NWD1: variants seen among roughly 807,000 people sequenced by gnomAD.
The protein encoded by NWD1 is NACHT domain- and WD repeat-containing protein 1.
Under a neutral mutation model 135.1 loss-of-function variants are expected in NWD1, and 129 were observed. The ratio of observed to expected loss-of-function variants is 0.96; its 90% CI spans 0.83 to 1.11. The LOEUF (loss-of-function observed/expected upper bound fraction) is 1.11, where lower values mean the gene tolerates loss of function less well. Ranked by LOEUF, NWD1 falls within the 50% of genes least tolerant of loss-of-function variation. The pLI is 0.00. For missense variants in NWD1, 1,740 were observed against 1,851.3 expected (o/e 0.94, Z 1.10); for synonymous variants, 773 against 786.0 (o/e 0.98, Z 0.28).
intron 12 of NWD1, among the ~76,000 whole-genome samples, chr19:16,781,845 CA>C (rs1450809187): frequency 6.6e-6 from 1 of 151,992 alleles, no homozygotes; most frequent in Non-Finnish European, 1.5e-5. Flanking sequence ...GTAATCTCAG[CA>C]CTTTGGGAGG....
At position 16,759,226 on chromosome 19, in the gene NWD1, C is replaced by T; in HGVS notation, c.1771C>T (p.His591Tyr). ...AAGCCCCACTGGTCCTCCCTTCAGA[C>T]ACGGTCTCTCGGAGGCGGAGCTGAA... ...HVLGYIVSSR[H>Y]GLSEAELKDV... The change falls in exon 7 of 19, where the codon CAC becomes TAC. Residue 591 changes from histidine (H) to tyrosine (Y), a missense_variant and splice_region_variant. By Grantham distance (83) the His-to-Tyr change is moderately conservative (BLOSUM62 2). Transcript: ENST00000524140. 6.2e-7 allele frequency: 1 copy of T among 1,613,044 alleles called. No homozygotes were observed. The highest frequency in any genetic ancestry group is 8.5e-7 in the Non-Finnish European group (1 of 1,179,096).
At chr19:16,775,195 G>A (rs759350506) in intron 11 of NWD1, among the ~76,000 whole-genome samples, 2 of 152,086 alleles carry the variant, frequency 1.3e-5, no homozygotes, top group Admixed American at 1.3e-4. Context: ...GCATGGAGGA[G>A]TTGATTTAGG....
chr19:16,722,564 C>T (rs1967179360), intron 1 of NWD1, among the ~76,000 whole-genome samples: 1 of 151,906 alleles, frequency 6.6e-6, no homozygotes. Context: ...GCTGGGATTA[C>T]AGATGTGAGC....
intron 2 of NWD1, among the ~76,000 whole-genome samples, chr19:16,728,664 G>T (rs1214072663): frequency 1.3e-5 from 2 of 151,896 alleles, no homozygotes; most frequent in Non-Finnish European, 2.9e-5. Flanking sequence ...GTAATTGCAG[G>T]CCGGGTGCAG....
intron 18 of NWD1, among the ~76,000 whole-genome samples, chr19:16,812,469 G>C (rs972320590): frequency 4.0e-5 from 6 of 149,726 alleles, no homozygotes; most frequent in African/African-American, 1.5e-4. Flanking sequence ...AGGAGTTGGA[G>C]ACCAGCCTGG....
chr19:16,725,726 T>C (rs1568330255), intron 2 of NWD1, among the ~76,000 whole-genome samples: 1 of 151,434 alleles, frequency 6.6e-6, no homozygotes, highest in Non-Finnish European at 1.5e-5. Context: ...CTTATTTCTG[T>C]ATTTTTAGTA....
In NWD1 at chr19:16,750,334, C is replaced by T. The variant is rs780539784; in HGVS notation, c.1692C>T (p.His564=). The stretch of plus-strand genomic sequence containing the variant: ...CCACCACCGCAGAGGAAGCCACGCA[C>T]CAACTCTGCACCCGCCTGGAGCAGA... ...PLATTAEEAT[H]QLCTRLEQTH... Residue 564 remains histidine, a synonymous_variant, in exon 6 of 19, where the codon CAC becomes CAT. Coordinates refer to ENST00000524140, the MANE Select transcript of NWD1 (RefSeq NM_001007525.5). The T allele has an allele frequency of 6.2e-7, 1 of 1,613,092 alleles. No homozygotes were observed. The highest frequency in any genetic ancestry group is 8.5e-7 in the Non-Finnish European group (1 of 1,179,800).
At chr19:16,725,035 G>A (rs1171564433) in intron 2 of NWD1, among the ~76,000 whole-genome samples, 3 of 146,760 alleles carry the variant, frequency 2.0e-5, no homozygotes, top group East Asian at 2.0e-4. Context: ...TTTTTGAGAC[G>A]GGGTCTCACT....
chr19:16,773,701 A>T (rs1181151709), intron 11 of NWD1, among the ~76,000 whole-genome samples: 1 of 152,170 alleles, frequency 6.6e-6, no homozygotes, highest in African/African-American at 2.4e-5. Flanking sequence ...AGCCCTTGGA[A>T]TCCCAGAATG....
chr19:16,744,841 C>T, intron 5 of NWD1, 123 bp downstream of exon 5: 1 of 785,354 alleles, frequency 1.3e-6, no homozygotes. Context: ...ACCAGTCAAC[C>T]TCTGGTCCCT....
intron 18 of NWD1, among the ~76,000 whole-genome samples, chr19:16,809,937 T>C (rs1483698116): frequency 6.6e-6 from 1 of 152,154 alleles, no homozygotes; most frequent in Non-Finnish European, 1.5e-5. Context: ...GGGTTGCTTT[T>C]CTATCACCCC....
chr19:16,765,186 G>T lies in NWD1; in HGVS notation c.2404G>T (p.Gly802Cys). 1 of 1,614,074 alleles carries T rather than the reference G, an allele frequency of 6.2e-7. No homozygotes were observed. The highest frequency in any genetic ancestry group is 8.5e-7 in the Non-Finnish European group (1 of 1,180,000). ...QLCRPAVELR[G>C]MERSLLYTEL... The stretch of plus-strand genomic sequence containing the variant: ...CTGCCGCCCTGCTGTGGAGCTCCGA[G>T]GCATGGGTGAGTCCAGATGGCCTGG... The change falls in exon 10 of 19, where the codon GGC becomes TGC. Residue 802 changes from glycine (G) to cysteine (C), a missense_variant. By Grantham distance (159) the Gly-to-Cys change is radical. Coordinates refer to ENST00000524140, the MANE Select transcript of NWD1 (RefSeq NM_001007525.5).
intron 5 of NWD1, among the ~76,000 whole-genome samples, chr19:16,747,636 G>A (rs1453843009): frequency 6.6e-6 from 1 of 152,050 alleles, no homozygotes; most frequent in Non-Finnish European, 1.5e-5. Flanking sequence ...GCCTCCCAAA[G>A]TGCTGAGATT....
intron 4 of NWD1, among the ~76,000 whole-genome samples, 168 bp from the exon 5 acceptor site, chr19:16,744,253 G>C (rs1201971798): frequency 6.6e-6 from 1 of 152,026 alleles, no homozygotes; most frequent in South Asian, 2.1e-4. Flanking sequence ...AAATTAGCTG[G>C]GTATGGTGGC....
intron 18 of NWD1, chr19:16,812,850 G>GGTGAGTC (rs1311248784): frequency 3.8e-6 from 3 of 780,970 alleles, no homozygotes; most frequent in Non-Finnish European, 7.2e-6. Context: ...TGTGCTGGAT[G>GGTGAGTC]GTGAGTCATT....
chr19:16,732,654 C>T (rs1376924397), intron 3 of NWD1, among the ~76,000 whole-genome samples: 1 of 30,310 alleles, frequency 3.3e-5, no homozygotes, highest in Non-Finnish European at 5.8e-5. Context: ...GACTTCATCT[C>T]AAAAAAAAAA....
intron 8 of NWD1, 140 bp from the exon 9 acceptor site, chr19:16,763,688 C>T: frequency 1.6e-6 from 1 of 644,582 alleles, no homozygotes; most frequent in South Asian, 1.7e-5. Flanking sequence ...GACCAATGGG[C>T]ACATGGGGGT....
At chr19:16,748,076 C>T (rs1320481321) in intron 5 of NWD1, among the ~76,000 whole-genome samples, 1 of 152,120 alleles carries the variant, frequency 6.6e-6, no homozygotes, top group African/African-American at 2.4e-5. Flanking sequence ...CTTTGCCTCC[C>T]GGGTTCAAGT....
chr19:16,806,615 G>T (rs1441606108), intron 17 of NWD1, among the ~76,000 whole-genome samples: 1 of 152,110 alleles, frequency 6.6e-6, no homozygotes, highest in Non-Finnish European at 1.5e-5. Flanking sequence ...GGGGGCTGAG[G>T]TGGGAAAATC....
Sources: gnomAD v4.1 joint callset for allele counts (sites outside exome capture counted in the v4.1 genomes callset) on GRCh38, gnomAD v4.1.1 for gene constraint, MANE v1.5 for transcripts, NCBI Gene and HGNC (gene_info 2026-07-23, HGNC 2026-07-21) for gene names.